PTPN13: variants seen among roughly 807,000 people sequenced by gnomAD.
PTPN13 encodes the protein tyrosine-protein phosphatase non-receptor type 13.
A neutral mutation model predicts 284.0 loss-of-function variants in PTPN13; 191 were observed. That is an observed-to-expected ratio of 0.67 (90% CI 0.60 to 0.76). The LOEUF is 0.76. Ranked by LOEUF, PTPN13 falls within the 30% of genes least tolerant of loss-of-function variation. PTPN13 has a pLI of 0.00. For synonymous variants in PTPN13, 986 were observed against 1,022.3 expected (o/e 0.96, Z 0.68); for missense variants, 2,797 against 2,939.9 (o/e 0.95, Z 1.12).
chr4:86,750,997 T>C, intron 18 of PTPN13, 30 bp from the exon 19 acceptor site: 2 of 1,569,650 alleles, frequency 1.3e-6, no homozygotes, highest in Non-Finnish European at 1.7e-6. Context: ...ACATTAACAC[T>C]TCCCTCCTAC....
rs1026574092 is a variant in PTPN13 at position 86,689,824 on chromosome 4, G to T, written c.546+634G>T. On this transcript the variant is annotated intron_variant, in intron 5 of 47. Coordinates refer to ENST00000411767, the MANE Select transcript of PTPN13 (RefSeq NM_080683.3). ...CCCACCTCTGTTCTGCATTTCTAAGGCTGTATTTTATCTTGTTTGCCCTAT... is the reference window on the plus strand; with the variant it reads ...CCCACCTCTGTTCTGCATTTCTAAGTCTGTATTTTATCTTGTTTGCCCTAT... The T allele has an allele frequency of 8.7e-6, 6 of 690,516 alleles. No homozygotes were observed. The African/African-American group carries it at 1.1e-4, about 12-fold the overall frequency. 42.8% of individuals were successfully genotyped at this position (690,516 alleles called of 1,614,324 possible).
chr4:86,721,664 T>C (rs1302269279), intron 9 of PTPN13, among the ~76,000 whole-genome samples: 2 of 151,086 alleles, frequency 1.3e-5, no homozygotes, highest in Non-Finnish European at 3.0e-5. Flanking sequence ...AGATCATATA[T>C]GTATTTCCTT....
intron 42 of PTPN13, among the ~76,000 whole-genome samples, 180 bp from the exon 43 acceptor site, chr4:86,803,529 G>C (rs1744294118): frequency 6.6e-6 from 1 of 152,152 alleles, no homozygotes; most frequent in Non-Finnish European, 1.5e-5. Context: ...GTAGATCAAG[G>C]CCGCAGTGAG....
In PTPN13 at chr4:86,782,239, A is replaced by C; in HGVS notation, c.6001A>C (p.Thr2001Pro). ...GGGGTCTTGCAGCCAGCCTGCCCTC[A>C]CTCCTAATGATTCATTCTCCACGGT... ...SVGSCSQPAL[T>P]PNDSFSTVAG... The change falls in exon 37 of 48, where the codon ACT (threonine) becomes CCT (proline). Residue 2001 changes from threonine to proline, a missense_variant. Transcript: ENST00000411767. The C allele has an allele frequency of 6.2e-7, 1 of 1,608,332 alleles. No homozygotes were observed.
intron 15 of PTPN13, among the ~76,000 whole-genome samples, chr4:86,739,794 G>A (rs532855817): frequency 6.6e-6 from 1 of 152,334 alleles, no homozygotes; most frequent in African/African-American, 2.4e-5. Context: ...AAGCAAGTTA[G>A]TTACTTCCTA....
chr4:86,770,036 C>A lies in PTPN13; in HGVS notation c.4704+53C>A, dbSNP rs867859042. On this transcript the variant is annotated intron_variant, in intron 29 of 47. Transcript: ENST00000411767. The stretch of plus-strand genomic sequence containing the variant: ...ATTTTTAATGATGAGATGGATTGGC[C>A]TTTCAGAATGGTTTCATAATGCTGG... 2.2e-5 allele frequency: 36 copies of A among 1,611,314 alleles called. No individual in the cohort carries two copies. In the African/African-American group the frequency reaches 3.5e-4, roughly 16 times the overall value.
At position 86,686,766 on chromosome 4, in the gene PTPN13, T is replaced by TC; in HGVS notation, c.352dup (p.Gln118ProfsTer6). 1 of 1,576,992 alleles carries TC rather than the reference T, an allele frequency of 6.3e-7. No homozygotes were observed. The highest frequency in any genetic ancestry group is 8.6e-7 in the Non-Finnish European group (1 of 1,159,202). ...ATTGGGGGGCTGATTATGAAGTGCC[T>TC]CAGAGCCAAGTAAGTTAAGTTTTTA... is the stretch of plus-strand genomic sequence containing the variant. On this transcript the variant is annotated frameshift_variant, in exon 4 of 48. Transcript: ENST00000411767. LOFTEE classifies it high-confidence loss of function.
intron 39 of PTPN13, 138 bp from the exon 40 acceptor site, chr4:86,785,710 C>G (rs941317397): frequency 2.0e-6 from 1 of 492,518 alleles, no homozygotes; most frequent in Admixed American, 4.1e-5. Context: ...TCATTTCTTC[C>G]TAACTTTTCT....
At chr4:86,635,987 T>G (rs973303303) in intron 2 of PTPN13, among the ~76,000 whole-genome samples, 6 of 151,520 alleles carry the variant, frequency 4.0e-5, no homozygotes, top group East Asian at 3.9e-4. Context: ...ACACACACAC[T>G]CACACACGAA....
At position 86,750,450 on chromosome 4, in the gene PTPN13, G is replaced by T. The variant is rs1401314233; in HGVS notation, c.2651-20G>T. On this transcript the variant is annotated intron_variant, in intron 17 of 47. Transcript: ENST00000411767. Reference sequence around the variant, plus strand: ...TACTGTGGCGTTACCATCATGTAAAGCAATCCTATTTCCTTGTAGAGAGAG... The same window carrying T: ...TACTGTGGCGTTACCATCATGTAAATCAATCCTATTTCCTTGTAGAGAGAG... 1.9e-6 allele frequency: 3 copies of T among 1,591,128 alleles called. No individual in the cohort carries two copies. Among genetic ancestry groups the T allele is most frequent in the African/African-American group, 2.7e-5 (2 of 73,982 alleles).
intron 2 of PTPN13, among the ~76,000 whole-genome samples, chr4:86,641,962 A>G (rs1004489202): frequency 1.3e-5 from 2 of 152,154 alleles, no homozygotes; most frequent in African/African-American, 2.4e-5. Flanking sequence ...ATTCCTAGGG[A>G]TAGTCAAAAC....
At chr4:86,694,546 C>G (rs1730386505) in intron 6 of PTPN13, among the ~76,000 whole-genome samples, 1 of 141,434 alleles carries the variant, frequency 7.1e-6, no homozygotes, top group African/African-American at 2.7e-5. Context: ...CCACTGTGCT[C>G]CAGCCTGGGC....
intron 3 of PTPN13, among the ~76,000 whole-genome samples, chr4:86,685,741 CAT>C (rs537426434): frequency 2.0e-4 from 31 of 152,298 alleles, no homozygotes; most frequent in South Asian, 6.2e-4. Flanking sequence ...TGTACAAAAA[CAT>C]GTGGAAAAAC....
chr4:86,783,088 C>G (rs1239364040), intron 37 of PTPN13, among the ~76,000 whole-genome samples: 1 of 152,154 alleles, frequency 6.6e-6, no homozygotes, highest in African/African-American at 2.4e-5. Context: ...ATTATGTCAA[C>G]ATGAGCTGGC....
Position 86,601,339 on chromosome 4 carries a change from C to T in PTPN13, c.-6+6550C>T, listed in dbSNP as rs141888408. On this transcript the variant is annotated intron_variant, in intron 1 of 47. Coordinates refer to ENST00000411767, the MANE Select transcript of PTPN13 (RefSeq NM_080683.3). ...CATTGGAGCTTAAATTCTGGCACTG[C>T]CTTAAGTAGTATAGAAATGAAAAAC... 1.5e-3 allele frequency among the ~76,000 whole-genome samples: 223 copies of T among 152,048 alleles called. 2 individuals carry two copies. The highest frequency in any genetic ancestry group is 5.1e-3 in the African/African-American group (211 of 41,506).
chr4:86,640,436 A>T (rs1723650770), intron 2 of PTPN13, among the ~76,000 whole-genome samples: 1 of 152,210 alleles, frequency 6.6e-6, no homozygotes, highest in Admixed American at 6.5e-5. Flanking sequence ...GTCAATTAAT[A>T]TTTAAGAAAT....
chr4:86,597,263 A>T (rs1565107818), intron 1 of PTPN13, among the ~76,000 whole-genome samples: 1 of 151,796 alleles, frequency 6.6e-6, no homozygotes, highest in Non-Finnish European at 1.5e-5. Flanking sequence ...AGCTTTTAAG[A>T]TAGGGTCTCT....
At chr4:86,620,996 T>C (rs10023787) in intron 1 of PTPN13, among the ~76,000 whole-genome samples, 36,644 of 152,116 alleles carry the variant, frequency 0.24, 4,548 homozygotes, top group East Asian at 0.3. Context: ...CTAGAAGCAC[T>C]CCGTTTCTCC....
At chr4:86,721,237 T>C (rs28472633) in intron 9 of PTPN13, among the ~76,000 whole-genome samples, 1,992 of 152,124 alleles carry the variant, frequency 0.013, 52 homozygotes, top group African/African-American at 0.045. Context: ...AATAACAGGT[T>C]TGAGTTTAAA....
Sources: gnomAD v4.1 joint callset for allele counts (sites outside exome capture counted in the v4.1 genomes callset) on GRCh38, gnomAD v4.1.1 for gene constraint, MANE v1.5 for transcripts, NCBI Gene and HGNC (gene_info 2026-07-23, HGNC 2026-07-21) for gene names.